Variants in ADGRG6 observed in about 807,000 individuals in gnomAD.
ADGRG6 encodes adhesion G protein-coupled receptor G6.
ADGRG6 carries 84 observed loss-of-function variants against 142.4 expected under a neutral mutation model. The ratio of observed to expected loss-of-function variants is 0.59; its 90% CI spans 0.49 to 0.71. The LOEUF (loss-of-function observed/expected upper bound fraction) is 0.71. ADGRG6 is among the 30% of genes least tolerant of loss of function. The pLI, the probability that ADGRG6 is intolerant of heterozygous loss-of-function variation, is 0.00. For missense variants in ADGRG6, 1,367 were observed against 1,466.6 expected, an observed-to-expected ratio of 0.93 and a Z score of 1.11; for synonymous variants, 521 against 520.5, an observed-to-expected ratio of 1.00 and a Z score of -0.01.
chr6:142,322,449 A>C (rs546765936), intron 2 of ADGRG6, among the ~76,000 whole-genome samples: 2 of 152,178 alleles, frequency 1.3e-5, no homozygotes, highest in African/African-American at 4.8e-5. Flanking sequence ...CCATTTCTGC[A>C]AAGATATAAA....
chr6:142,432,043 T>C (rs750830803), intron 22 of ADGRG6, among the ~76,000 whole-genome samples: 2 of 151,608 alleles, frequency 1.3e-5, no homozygotes, highest in East Asian at 1.9e-4. Flanking sequence ...GATCTATAAG[T>C]AGATGGAGGA....
At chr6:142,326,289 C>T (rs536433809) in intron 2 of ADGRG6, among the ~76,000 whole-genome samples, 40 of 150,988 alleles carry the variant, frequency 2.6e-4, no homozygotes, top group Non-Finnish European at 4.9e-4. Flanking sequence ...TTTATTGTTT[C>T]TCTGCATGTC....
intron 2 of ADGRG6, among the ~76,000 whole-genome samples, chr6:142,349,340 G>A (rs1191278248): frequency 6.6e-6 from 1 of 152,218 alleles, no homozygotes; most frequent in East Asian, 1.9e-4. Flanking sequence ...GAAGAAGTTG[G>A]CCTGTGGCAC....
intron 2 of ADGRG6, among the ~76,000 whole-genome samples, chr6:142,317,719 T>TTA (rs199811672): frequency 0.093 from 10,377 of 111,558 alleles, 1,696 homozygotes; most frequent in African/African-American, 0.33. Flanking sequence ...TATATTTATA[T>TTA]TATATATTAA....
At chr6:142,364,100 G>A (rs772016508) in intron 2 of ADGRG6, among the ~76,000 whole-genome samples, 21 of 151,398 alleles carry the variant, frequency 1.4e-4, no homozygotes, top group South Asian at 4.2e-4. Flanking sequence ...GTGTGACTTT[G>A]TGTGAGTTAT....
chr6:142,357,971 C>T (rs923429834), intron 2 of ADGRG6, among the ~76,000 whole-genome samples: 1 of 152,180 alleles, frequency 6.6e-6, no homozygotes, highest in African/African-American at 2.4e-5. Context: ...ATTTAAGCAT[C>T]TTACTGTGAG....
chr6:142,335,541 C>T (rs541400790), intron 2 of ADGRG6, among the ~76,000 whole-genome samples: 4 of 152,178 alleles, frequency 2.6e-5, no homozygotes, highest in South Asian at 2.1e-4. Context: ...TGGAGGGCAT[C>T]AGTGGGAAAG....
intron 2 of ADGRG6, among the ~76,000 whole-genome samples, chr6:142,349,523 C>T (rs1389490828): frequency 6.6e-6 from 1 of 152,220 alleles, no homozygotes; most frequent in Non-Finnish European, 1.5e-5. Flanking sequence ...CTCTTCAGTC[C>T]TCCCGTAGTC....
rs150375502 is a variant in ADGRG6 at position 142,386,719 on chromosome 6, A to G, written c.1222+2876A>G. 5.8e-4 allele frequency among the ~76,000 whole-genome samples: 88 copies of G among 152,328 alleles called. 3 individuals are homozygous for G. In the East Asian group the frequency reaches 0.012, roughly 21 times the overall value. ...TACAGTAATTTGTAGCCATTCATTC[A>G]TTGACTTTCCAACCTGCTTATTCCA... is the stretch of plus-strand genomic sequence containing the variant. On this transcript the variant is annotated intron_variant, in intron 6 of 24. Transcript: ENST00000367609.
chr6:142,370,656 G>A lies in ADGRG6; in HGVS notation c.932G>A (p.Arg311Gln). ...CTAAAAGGGGACATTTATAACTTTC[G>A]ACTTTGGAATTTTACCATGAATGCC... ...VSLKGDIYNFRLWNFTMNAKI... is the reference protein window; with the variant it reads ...VSLKGDIYNFQLWNFTMNAKI... Residue 311 changes from arginine (R) to glutamine (Q), a missense_variant, in exon 4 of 25, where the codon CGA (arginine) becomes CAA (glutamine). Physicochemically the swap from Arg to Gln is conservative, Grantham distance 43. Coordinates refer to ENST00000367609, the MANE Select transcript of ADGRG6 (RefSeq NM_198569.3). The A allele has an allele frequency of 1.2e-6, 2 of 1,613,712 alleles. No homozygotes were observed. The highest frequency in any genetic ancestry group is 1.7e-6 in the Non-Finnish European group (2 of 1,179,798).
At chr6:142,389,597 T>A (rs2114965462) in intron 6 of ADGRG6, among the ~76,000 whole-genome samples, 1 of 152,056 alleles carries the variant, frequency 6.6e-6, no homozygotes, top group East Asian at 1.9e-4. Context: ...GGTTTTCTTT[T>A]TATTTTCTTT....
intron 15 of ADGRG6, among the ~76,000 whole-genome samples, chr6:142,407,735 C>G (rs1040896570): frequency 6.6e-6 from 1 of 152,110 alleles, no homozygotes; most frequent in African/African-American, 2.4e-5. Context: ...AGATGTCTTG[C>G]TTTTTATTTT....
intron 22 of ADGRG6, among the ~76,000 whole-genome samples, chr6:142,422,200 C>T (rs112867988): frequency 1.3e-5 from 2 of 151,416 alleles, no homozygotes; most frequent in African/African-American, 4.9e-5. Context: ...TTTTAGGGTA[C>T]ATGTGCACAT....
rs1776330587 is a variant in ADGRG6, at chr6:142,415,909, G to A, written c.2783G>A (p.Gly928Glu). Residue 928 changes from glycine (G) to glutamate (E), a missense_variant, in exon 20 of 25, where the codon GGA (glycine) becomes GAA (glutamate). Coordinates refer to ENST00000367609, the MANE Select transcript of ADGRG6 (RefSeq NM_198569.3). Reference protein sequence around the residue: ...DGWITSFNVDGLCIAVAVLLH... With the variant: ...DGWITSFNVDELCIAVAVLLH... Reference sequence around the variant, plus strand: ...TGGATCACCTCCTTCAATGTGGATGGACTTTGCATTGCTGTTGCAGTCCTG... The same window carrying A: ...TGGATCACCTCCTTCAATGTGGATGAACTTTGCATTGCTGTTGCAGTCCTG... 6.2e-7 allele frequency: 1 copy of A among 1,613,512 alleles called. No homozygotes were observed.
At chr6:142,315,952 A>G (rs1413631356) in intron 2 of ADGRG6, among the ~76,000 whole-genome samples, 1 of 152,156 alleles carries the variant, frequency 6.6e-6, no homozygotes, top group Non-Finnish European at 1.5e-5. Flanking sequence ...AAAAACTCTC[A>G]GAGAGGAATA....
Position 142,416,048 on chromosome 6 carries a change from C to A in ADGRG6, c.2922C>A (p.Phe974Leu), listed in dbSNP as rs375811355. The change falls in exon 20 of 25, where the codon TTC (phenylalanine) becomes TTA (leucine). Residue 974 changes from phenylalanine (F) to leucine (L), a missense_variant. Phe to Leu is a conservative substitution (Grantham distance 22). Around this residue, in one of 3 missense-constraint regions of ADGRG6, gnomAD observed 344 missense variants for 348.7 expected, o/e 0.99. Transcript: ENST00000367609. The stretch of plus-strand genomic sequence containing the variant: ...ACATTCGCCGATACATTCTAAAATT[C>A]TGCATCATTGGCTGGGGTAAGCCTC... Reference protein sequence around the residue: ...NTYIRRYILKFCIIGWGLPAL... With the variant: ...NTYIRRYILKLCIIGWGLPAL... 30 of 1,611,930 alleles carry A rather than the reference C, an allele frequency of 1.9e-5. No individual in the cohort carries two copies. The African/African-American group carries it at 3.3e-4, about 18-fold the overall frequency.
At chr6:142,326,264 A>C (rs901578723) in intron 2 of ADGRG6, among the ~76,000 whole-genome samples, 10 of 151,984 alleles carry the variant, frequency 6.6e-5, no homozygotes, top group Non-Finnish European at 1.2e-4. Context: ...GGATACATCA[A>C]AACAAATTCA....
At chr6:142,307,508 G>C (rs1305838258) in intron 1 of ADGRG6, among the ~76,000 whole-genome samples, 1 of 151,982 alleles carries the variant, frequency 6.6e-6, no homozygotes, top group African/African-American at 2.4e-5. Flanking sequence ...CTATGGGACG[G>C]AAGTTTGTCA....
At chr6:142,325,047 G>T (rs1778701738) in intron 2 of ADGRG6, among the ~76,000 whole-genome samples, 1 of 152,042 alleles carries the variant, frequency 6.6e-6, no homozygotes, top group Admixed American at 6.6e-5. Context: ...ATATTTACTT[G>T]GATTATTTAG....
Sources: gnomAD v4.1 joint callset for allele counts (sites outside exome capture counted in the v4.1 genomes callset) on GRCh38, gnomAD v4.1.1 for gene constraint, gnomAD v4.1.1 regional missense constraint, MANE v1.5 for transcripts, NCBI Gene and HGNC (gene_info 2026-07-23, HGNC 2026-07-21) for gene names.